EPHB1: variants seen among roughly 807,000 people sequenced by gnomAD.
EPHB1 encodes EPH receptor B1.
A neutral mutation model predicts 94.4 loss-of-function variants in EPHB1; 30 were observed. The ratio of observed to expected loss-of-function variants is 0.32; its 90% CI spans 0.24 to 0.43. EPHB1 has a LOEUF of 0.43. Among genes scored for constraint, EPHB1 ranks in the 20% least tolerant of loss-of-function variants. EPHB1 has a pLI of 1.00. For missense variants in EPHB1, 1,055 were observed against 1,308.3 expected, an observed-to-expected ratio of 0.81 and a Z score of 2.99; for synonymous variants, 522 against 489.1, an observed-to-expected ratio of 1.07 and a Z score of -0.89.
intron 1 of EPHB1, among the ~76,000 whole-genome samples, chr3:134,846,157 A>G (rs750752376): frequency 6.6e-6 from 1 of 152,194 alleles, no homozygotes; most frequent in Non-Finnish European, 1.5e-5. Context: ...AGTGAGGAAC[A>G]GTACACAAGT....
At chr3:135,141,462 C>G (rs1366808570) in intron 5 of EPHB1, among the ~76,000 whole-genome samples, 1 of 152,160 alleles carries the variant, frequency 6.6e-6, no homozygotes, top group East Asian at 1.9e-4. Flanking sequence ...ATAAGGTGTC[C>G]TGGCTGACCT....
intron 12 of EPHB1, among the ~76,000 whole-genome samples, chr3:135,203,433 AT>A (rs1942811068): frequency 6.6e-6 from 1 of 152,234 alleles, no homozygotes; most frequent in African/African-American, 2.4e-5. Flanking sequence ...AGAATAAAAA[AT>A]AAACTAAAAT....
chr3:134,919,792 A>G lies in EPHB1; in HGVS notation c.59-6024A>G, dbSNP rs548080274. Among the ~76,000 whole-genome samples, 57 of 152,030 alleles carry G rather than the reference A, an allele frequency of 3.7e-4. No homozygotes were observed. The South Asian group carries it at 5.6e-3, about 15-fold the overall frequency. On this transcript the variant is annotated intron_variant, in intron 1 of 15. Coordinates refer to ENST00000398015, the MANE Select transcript of EPHB1 (RefSeq NM_004441.5). ...CAGTCTGGATTTGGGACTGGGGGGT[A>G]TTATTTAATATATCCCACTCTTGCC... is the stretch of plus-strand genomic sequence containing the variant.
chr3:135,248,176 A>T, intron 13 of EPHB1, 140 bp from the exon 14 acceptor site: 1 of 697,930 alleles, frequency 1.4e-6, no homozygotes, highest in Non-Finnish European at 2.2e-6. Flanking sequence ...AAAATCCATT[A>T]CAGCGGAAGG....
At chr3:135,202,196 C>A (rs748843499) in intron 12 of EPHB1, among the ~76,000 whole-genome samples, 2 of 152,216 alleles carry the variant, frequency 1.3e-5, no homozygotes, top group Admixed American at 1.3e-4. Context: ...CAGCCTCCCC[C>A]TCTACATTCT....
At chr3:134,970,936 G>A (rs1001970263) in intron 3 of EPHB1, among the ~76,000 whole-genome samples, 19 of 152,172 alleles carry the variant, frequency 1.2e-4, no homozygotes, top group African/African-American at 4.6e-4. Context: ...TGAAATATAA[G>A]CTTTATCCTT....
intron 5 of EPHB1, among the ~76,000 whole-genome samples, chr3:135,152,742 C>T (rs1162642675): frequency 6.6e-6 from 1 of 152,170 alleles, no homozygotes; most frequent in Non-Finnish European, 1.5e-5. Context: ...CATGGCATCC[C>T]TGCTGCTCTC....
intron 10 of EPHB1, among the ~76,000 whole-genome samples, chr3:135,187,554 C>T (rs915533285): frequency 4.6e-5 from 7 of 152,104 alleles, no homozygotes; most frequent in East Asian, 3.9e-4. Context: ...AGATCACAGG[C>T]GACAGCAATT....
intron 1 of EPHB1, among the ~76,000 whole-genome samples, chr3:134,833,737 G>T (rs1192639539): frequency 1.3e-5 from 2 of 152,186 alleles, no homozygotes; most frequent in Non-Finnish European, 2.9e-5. Context: ...CCAGGCATGA[G>T]GAGGTGAAGA....
At chr3:134,831,568 A>C (rs1310783888) in intron 1 of EPHB1, among the ~76,000 whole-genome samples, 1 of 152,110 alleles carries the variant, frequency 6.6e-6, no homozygotes, top group African/African-American at 2.4e-5. Context: ...AAACATCTCC[A>C]TAGAAGTTCC....
intron 1 of EPHB1, among the ~76,000 whole-genome samples, chr3:134,845,352 C>T (rs2036853660): frequency 6.6e-6 from 1 of 152,166 alleles, no homozygotes. Context: ...CTTATTCATC[C>T]ATTCAACCAG....
chr3:134,817,252 G>T (rs1260208006), intron 1 of EPHB1, among the ~76,000 whole-genome samples: 5 of 152,312 alleles, frequency 3.3e-5, no homozygotes, highest in Non-Finnish European at 7.4e-5. Context: ...AGGAATTGGG[G>T]GGCACTGGAC....
At chr3:135,205,884 G>C (rs922793855) in intron 12 of EPHB1, among the ~76,000 whole-genome samples, 1 of 152,118 alleles carries the variant, frequency 6.6e-6, no homozygotes, top group Non-Finnish European at 1.5e-5. Context: ...TTAAGGTAAA[G>C]TGTGCATAGA....
At chr3:134,854,278 G>A (rs992676601) in intron 1 of EPHB1, among the ~76,000 whole-genome samples, 2 of 152,126 alleles carry the variant, frequency 1.3e-5, no homozygotes, top group Non-Finnish European at 2.9e-5. Context: ...TGGAGGAATA[G>A]GATTCTGCTT....
chr3:135,072,355 G>A (rs57100053), intron 3 of EPHB1, among the ~76,000 whole-genome samples: 4,068 of 152,272 alleles, frequency 0.027, 210 homozygotes, highest in African/African-American at 0.093. Flanking sequence ...CTGCACTCCA[G>A]CCTGGGTGAC....
At chr3:134,841,341 C>T (rs1217073059) in intron 1 of EPHB1, 2 of 152,254 alleles carry the variant, frequency 1.3e-5, no homozygotes, top group Non-Finnish European at 2.9e-5. Context: ...CTTGTTCAAC[C>T]TGCTGCTCAT....
At chr3:135,157,657 A>G (rs1941393487) in intron 6 of EPHB1, among the ~76,000 whole-genome samples, 1 of 152,268 alleles carries the variant, frequency 6.6e-6, no homozygotes, top group Admixed American at 6.5e-5. Context: ...ACCATTTGGT[A>G]TACGACTGTG....
At chr3:135,157,572 A>G (rs1292670140) in intron 6 of EPHB1, among the ~76,000 whole-genome samples, 1 of 152,254 alleles carries the variant, frequency 6.6e-6, no homozygotes, top group Non-Finnish European at 1.5e-5. Flanking sequence ...TCAGTGAAGC[A>G]TATTATTGTC....
intron 11 of EPHB1, among the ~76,000 whole-genome samples, chr3:135,195,088 A>C (rs1037784117): frequency 6.6e-6 from 1 of 152,170 alleles, no homozygotes; most frequent in African/African-American, 2.4e-5. Context: ...AGTTGAATAA[A>C]CTTGAATAAA....
Sources: allele counts gnomAD v4.1 joint callset (sites outside exome capture counted in the v4.1 genomes callset), GRCh38; gene constraint gnomAD v4.1.1; transcripts MANE v1.5; gene names NCBI Gene and HGNC (gene_info 2026-07-23, HGNC 2026-07-21).